Variants in GRIA1 observed in about 807,000 individuals in gnomAD.
The protein encoded by GRIA1 is glutamate receptor 1.
Under a neutral mutation model 99.2 loss-of-function variants are expected in GRIA1, and 31 were observed. The observed-to-expected ratio is 0.31, with a 90% confidence interval of 0.23 to 0.42. GRIA1 has a LOEUF of 0.42. Ranked by LOEUF, GRIA1 falls within the 10% of genes least tolerant of loss-of-function variation. The pLI is 1.00. For synonymous variants in GRIA1, 438 were observed against 432.4 expected (o/e 1.01, Z -0.16); for missense variants, 782 against 1,157.5 (o/e 0.68, Z 4.71).
At chr5:153,566,178 G>C (rs143585829) in intron 2 of GRIA1, among the ~76,000 whole-genome samples, 1 of 152,102 alleles carries the variant, frequency 6.6e-6, no homozygotes, top group African/African-American at 2.4e-5. Context: ...CTGTGGGTAT[G>C]AAGTGGTATC....
chr5:153,796,015 T>TC (rs1425854386), intron 14 of GRIA1, among the ~76,000 whole-genome samples: 2 of 147,274 alleles, frequency 1.4e-5, no homozygotes, highest in Non-Finnish European at 3.0e-5. Context: ...TTTTTTAACT[T>TC]TTTTTTTTTT....
rs533937499 is a variant in GRIA1 at position 153,744,273 on chromosome 5, A to G, written c.1824-20161A>G. On this transcript the variant is annotated intron_variant, in intron 11 of 15. Transcript: ENST00000285900. The stretch of plus-strand genomic sequence containing the variant: ...GAAACCTGTCTAGATCTGTGAGAAC[A>G]TTAGTCTTTTATAATACTTTAAAGA... Among the ~76,000 whole-genome samples the G allele has an allele frequency of 1.4e-3, 207 of 152,304 alleles. 1 individual carries two copies. The highest frequency in any genetic ancestry group is 4.8e-3 in the African/African-American group (198 of 41,574).
At chr5:153,746,813 T>C (rs1349528256) in intron 11 of GRIA1, among the ~76,000 whole-genome samples, 1 of 151,956 alleles carries the variant, frequency 6.6e-6, no homozygotes, top group Non-Finnish European at 1.5e-5. Context: ...ATAACAAGAG[T>C]GTGTTGCCAA....
At chr5:153,600,501 G>A (rs1764850801) in intron 2 of GRIA1, among the ~76,000 whole-genome samples, 2 of 151,144 alleles carry the variant, frequency 1.3e-5, no homozygotes, top group East Asian at 1.9e-4. Context: ...AAGAAATAGC[G>A]CTTTTCCACC....
intron 2 of GRIA1, among the ~76,000 whole-genome samples, chr5:153,632,679 G>A (rs1430016666): frequency 2.0e-5 from 3 of 152,278 alleles, no homozygotes; most frequent in Non-Finnish European, 4.4e-5. Context: ...TCACAGGTGA[G>A]CAGACCAGTA....
chr5:153,731,086 C>T (rs6580034), intron 11 of GRIA1, among the ~76,000 whole-genome samples: 1 of 151,442 alleles, frequency 6.6e-6, no homozygotes, highest in African/African-American at 2.4e-5. Context: ...CTTTAACCAC[C>T]TTGATCAGAC....
chr5:153,493,549 G>T (rs918785262), intron 1 of GRIA1, among the ~76,000 whole-genome samples: 3 of 152,122 alleles, frequency 2.0e-5, no homozygotes, highest in Non-Finnish European at 4.4e-5. Context: ...AGAAAAATTA[G>T]ACATGACTAG....
chr5:153,492,234 G>A, intron 1 of GRIA1: 1 of 1,535,366 alleles, frequency 6.5e-7, no homozygotes, highest in Admixed American at 2.0e-5. Flanking sequence ...AGCCTCTCCA[G>A]CTAGCTGGCG....
intron 2 of GRIA1, among the ~76,000 whole-genome samples, chr5:153,587,083 T>C (rs1321616984): frequency 1.3e-5 from 2 of 152,200 alleles, no homozygotes; most frequent in Non-Finnish European, 2.9e-5. Context: ...TGATATAGTT[T>C]GGATGTTTGC....
At chr5:153,598,618 C>T (rs1354662748) in intron 2 of GRIA1, among the ~76,000 whole-genome samples, 1 of 152,122 alleles carries the variant, frequency 6.6e-6, no homozygotes, top group Admixed American at 6.5e-5. Flanking sequence ...TATTAGCCTC[C>T]CTTAACTGCC....
chr5:153,604,607 CA>C (rs1765290519), intron 2 of GRIA1, among the ~76,000 whole-genome samples: 1 of 152,178 alleles, frequency 6.6e-6, no homozygotes, highest in African/African-American at 2.4e-5. Flanking sequence ...ACTGTCTCTC[CA>C]AACAGAACCT....
chr5:153,727,878 A>G (rs1489414060), intron 11 of GRIA1, among the ~76,000 whole-genome samples: 2 of 151,058 alleles, frequency 1.3e-5, no homozygotes, highest in East Asian at 1.9e-4. Context: ...AATTGGAAAA[A>G]CTACTTTAAA....
chr5:153,810,049 CT>C (rs1766711788), intron 15 of GRIA1, among the ~76,000 whole-genome samples: 1 of 152,208 alleles, frequency 6.6e-6, no homozygotes, highest in Non-Finnish European at 1.5e-5. Flanking sequence ...CATCAATGGT[CT>C]TTCTCCAAAG....
At chr5:153,696,447 C>T (rs946806838) in intron 8 of GRIA1, among the ~76,000 whole-genome samples, 5 of 152,174 alleles carry the variant, frequency 3.3e-5, no homozygotes, top group Admixed American at 1.3e-4. Flanking sequence ...TACTTCACCT[C>T]GGGCAAGTTA....
At chr5:153,632,260 C>G (rs1410836558) in intron 2 of GRIA1, among the ~76,000 whole-genome samples, 1 of 152,036 alleles carries the variant, frequency 6.6e-6, no homozygotes, top group Admixed American at 6.6e-5. Context: ...GTGGCAGAGC[C>G]CTAGGCCAGG....
chr5:153,680,231 C>T (rs1248422894), intron 7 of GRIA1, among the ~76,000 whole-genome samples: 1 of 151,984 alleles, frequency 6.6e-6, no homozygotes, highest in Admixed American at 6.6e-5. Flanking sequence ...GCACCCCCTC[C>T]CCCTTCACTC....
intron 2 of GRIA1, among the ~76,000 whole-genome samples, chr5:153,527,510 G>A (rs376489449): frequency 2.0e-4 from 31 of 152,252 alleles, no homozygotes; most frequent in African/African-American, 7.5e-4. Flanking sequence ...CATTACTTTT[G>A]GTGTGTCTGT....
intron 11 of GRIA1, among the ~76,000 whole-genome samples, chr5:153,758,978 T>A (rs548199556): frequency 3.3e-5 from 5 of 152,008 alleles, no homozygotes; most frequent in African/African-American, 1.2e-4. Context: ...TTAAACAACA[T>A]TCTCCTGAAC....
intron 5 of GRIA1, among the ~76,000 whole-genome samples, chr5:153,657,247 TTGAGGAAC>T (rs1755024572): frequency 6.6e-6 from 1 of 152,352 alleles, no homozygotes; most frequent in Non-Finnish European, 1.5e-5. Context: ...GTTTAACATT[TTGAGGAAC>T]TCCAAAATTA....
Sources: gnomAD v4.1 joint callset for allele counts (sites outside exome capture counted in the v4.1 genomes callset) on GRCh38, gnomAD v4.1.1 for gene constraint, MANE v1.5 for transcripts, NCBI Gene and HGNC (gene_info 2026-07-23, HGNC 2026-07-21) for gene names.